AGO1: variants seen among roughly 807,000 people sequenced by gnomAD.
AGO1 encodes argonaute RISC component 1.
In AGO1, 11 loss-of-function variants were observed where a neutral mutation model predicts 109.2. The observed-to-expected ratio is 0.10, with a 90% CI of 0.06 to 0.17. The LOEUF (loss-of-function observed/expected upper bound fraction) is 0.17, where lower values mean the gene tolerates loss of function less well. AGO1 is among the 10% of genes least tolerant of loss of function. The pLI is 1.00. For synonymous variants in AGO1, 422 were observed against 418.6 expected (o/e 1.01, Z -0.10); for missense variants, 574 against 1,140.3 (o/e 0.50, Z 7.15).
Position 35,901,909 on chromosome 1 carries a change from G to A in AGO1, c.1141-39G>A. On this transcript the variant is annotated intron_variant, in intron 9 of 18. Transcript: ENST00000373204. The surrounding 1 kb of genome is among the most constrained non-coding windows in gnomAD (Gnocchi z 4.8). ...CCCAGAGGGTGAGCAGTATTGCCAA[G>A]CTCCTGTTCTCCTGAGATTGCTCTC... is the stretch of plus-strand genomic sequence containing the variant. 1 of 1,548,314 alleles carries A rather than the reference G, an allele frequency of 6.5e-7. No homozygotes were observed. The highest frequency in any genetic ancestry group is 8.7e-7 in the Non-Finnish European group (1 of 1,147,958).
At chr1:35,876,997 G>T (rs530160881) in intron 1 of AGO1, among the ~76,000 whole-genome samples, 43 of 152,294 alleles carry the variant, frequency 2.8e-4, no homozygotes, top group African/African-American at 9.9e-4. Context: ...TCTATTGCCT[G>T]TGCTCATCCA....
chr1:35,918,476 C>A, intron 17 of AGO1, 53 bp downstream of exon 17: 1 of 1,322,452 alleles, frequency 7.6e-7, no homozygotes, highest in Non-Finnish European at 1.1e-6. Flanking sequence ...GTTGTTCATT[C>A]ATATTGCCTC....
In AGO1 at chr1:35,916,067, T is replaced by G. The variant is rs60946370; in HGVS notation, c.2028+525T>G. Among the ~76,000 whole-genome samples, 552 of 152,304 alleles carry G rather than the reference T, an allele frequency of 3.6e-3. 6 individuals are homozygous for G. The highest frequency in any genetic ancestry group is 0.013 in the African/African-American group (533 of 41,566). The stretch of plus-strand genomic sequence containing the variant: ...AACTTCTATCCTGAACTGGTATCCT[T>G]GACTACCATTTAATAGTATTATAAC... On this transcript the variant is annotated intron_variant, in intron 15 of 18. Coordinates refer to ENST00000373204, the MANE Select transcript of AGO1 (RefSeq NM_012199.5).
rs189626609 is a variant in AGO1, at chr1:35,872,903, T to G, written c.-201+3000T>G. Among the ~76,000 whole-genome samples the G allele has an allele frequency of 6.3e-4, 96 of 151,898 alleles. No individual in the cohort carries two copies. In the East Asian group the frequency reaches 0.016, roughly 26 times the overall value. On this transcript the variant is annotated intron_variant, in intron 1 of 18. Coordinates refer to the AGO1 transcript ENST00000373206. ...GGTCTATTTCTGTTCTTTTCAGTTT[T>G]TTTGTTTGTTTGTTTGTTTGTTTGT...
intron 8 of AGO1, among the ~76,000 whole-genome samples, chr1:35,898,113 A>T (rs1645350405): frequency 6.6e-6 from 1 of 152,146 alleles, no homozygotes; most frequent in African/African-American, 2.4e-5. Flanking sequence ...TTTATCAGTT[A>T]ATGGACATTT....
intron 12 of AGO1, among the ~76,000 whole-genome samples, chr1:35,911,222 C>T (rs1041251865): frequency 1.3e-5 from 2 of 152,008 alleles, no homozygotes; most frequent in Admixed American, 1.3e-4. Flanking sequence ...CTAGATAGTT[C>T]ATATCCTTAT....
At chr1:35,899,479 C>G (rs1645377202) in intron 8 of AGO1, among the ~76,000 whole-genome samples, 1 of 152,150 alleles carries the variant, frequency 6.6e-6, no homozygotes. Context: ...ATTTTATATT[C>G]CCACTGGCGT....
intron 3 of AGO1, 127 bp from the exon 4 acceptor site, chr1:35,892,970 T>G (rs1408523630): frequency 1.4e-5 from 14 of 1,036,206 alleles, no homozygotes; most frequent in Non-Finnish European, 5.6e-6. Flanking sequence ...GGGGCTAGAC[T>G]TACTCTGGAT....
At chr1:35,875,085 A>G (rs1238435946) in intron 1 of AGO1, among the ~76,000 whole-genome samples, 2 of 152,252 alleles carry the variant, frequency 1.3e-5, no homozygotes, top group Non-Finnish European at 2.9e-5. Flanking sequence ...AGAAGATCTG[A>G]CTAAAATAAT....
At chr1:35,902,137 G>A in intron 10 of AGO1, 67 bp downstream of exon 10, 1 of 1,588,320 alleles carries the variant, frequency 6.3e-7, no homozygotes, top group South Asian at 1.1e-5. Flanking sequence ...ATAGCCAGGG[G>A]CTTTTGCTCC....
At chr1:35,887,390 CTT>C (rs1350624463) in intron 1 of AGO1, among the ~76,000 whole-genome samples, 1 of 151,998 alleles carries the variant, frequency 6.6e-6, no homozygotes, top group Non-Finnish European at 1.5e-5. Context: ...TTTTTTCTCT[CTT>C]CCCCCCAAGC....
At chr1:35,871,877 G>T (rs910371245) in intron 1 of AGO1, among the ~76,000 whole-genome samples, 1 of 151,656 alleles carries the variant, frequency 6.6e-6, no homozygotes, top group Non-Finnish European at 1.5e-5. Context: ...AGACTATCTT[G>T]GCTAACACAG....
intron 12 of AGO1, among the ~76,000 whole-genome samples, chr1:35,910,532 A>G (rs773474208): frequency 1.7e-4 from 26 of 151,970 alleles, no homozygotes; most frequent in Non-Finnish European, 8.8e-5. Context: ...AGTCACTACA[A>G]CCTCCTACCA....
chr1:35,876,275 T>TC, intron 1 of AGO1, among the ~76,000 whole-genome samples: 1 of 151,944 alleles, frequency 6.6e-6, no homozygotes, highest in East Asian at 1.9e-4. Context: ...TTTTTTGTTT[T>TC]TTTTTTTTTG....
Position 35,901,799 on chromosome 1 carries a change from C to T in AGO1, c.1141-149C>T, listed in dbSNP as rs1022082975. ...GTATTACTTTGCTGTGTTATTCCCTCACTTCCCTCATCTTCCACTTTCTCT... is the reference window on the plus strand; with the variant it reads ...GTATTACTTTGCTGTGTTATTCCCTTACTTCCCTCATCTTCCACTTTCTCT... On this transcript the variant is annotated intron_variant, in intron 9 of 18. Coordinates refer to ENST00000373204, the MANE Select transcript of AGO1 (RefSeq NM_012199.5). The surrounding 1 kb of genome is among the most constrained non-coding windows in gnomAD (Gnocchi z 4.8). The T allele has an allele frequency of 7.6e-7, 1 of 1,311,356 alleles. No homozygotes were observed. The highest frequency in any genetic ancestry group is 1.5e-5 in the African/African-American group (1 of 67,706). The allele number at this position is 1,311,356 out of a possible 1,614,324, so 81.2% of individuals were successfully genotyped here.
chr1:35,894,031 C>A lies in AGO1; in HGVS notation c.650-6C>A, dbSNP rs1339494288. 1 of 1,541,556 alleles carries A rather than the reference C, an allele frequency of 6.5e-7. No homozygotes were observed. The highest frequency in any genetic ancestry group is 2.3e-5 in the East Asian group (1 of 44,368). On this transcript the variant is annotated splice_polypyrimidine_tract_variant and splice_region_variant and intron_variant, in intron 5 of 18. Transcript: ENST00000373204. ...GAGCTGAGCTATCTTTACCCTGTCCCCACAGTCTCAGCCACTGCCTTTTAT... is the reference window on the plus strand; with the variant it reads ...GAGCTGAGCTATCTTTACCCTGTCCACACAGTCTCAGCCACTGCCTTTTAT...
Position 35,883,785 on chromosome 1 carries a change from AGAG to A in AGO1, c.25+344_25+346del, listed in dbSNP as rs2148706307. ...AGGGGACGGGCTCCAGGTGTCCAGG[AGAG>A]GAGGGGGCGACACAGATGGGCCTGG... On this transcript the variant is annotated intron_variant, in intron 1 of 18. Coordinates refer to ENST00000373204, the MANE Select transcript of AGO1 (RefSeq NM_012199.5). This position sits in a 1 kb window ranked among gnomAD's most constrained non-coding sequence, Gnocchi z 5.4. 6.6e-6 allele frequency among the ~76,000 whole-genome samples: 1 copy of A among 152,216 alleles called. No homozygotes were observed. The highest frequency in any genetic ancestry group is 6.5e-5 in the Admixed American group (1 of 15,302).
At position 35,901,809 on chromosome 1, in the gene AGO1, A is replaced by G; in HGVS notation, c.1141-139A>G. 2 of 1,352,704 alleles carry G rather than the reference A, an allele frequency of 1.5e-6. No homozygotes were observed. The highest frequency in any genetic ancestry group is 4.7e-5 in the Admixed American group (2 of 42,906). The allele number at this position is 1,352,704 out of a possible 1,614,324, so 83.8% of individuals were successfully genotyped here. On this transcript the variant is annotated intron_variant, in intron 9 of 18. Transcript: ENST00000373204. This position sits in a 1 kb window ranked among gnomAD's most constrained non-coding sequence, Gnocchi z 4.8. The stretch of plus-strand genomic sequence containing the variant: ...GCTGTGTTATTCCCTCACTTCCCTC[A>G]TCTTCCACTTTCTCTCTCTTTTTAG...
At chr1:35,874,813 G>T (rs1644980132) in intron 1 of AGO1, among the ~76,000 whole-genome samples, 2 of 152,124 alleles carry the variant, frequency 1.3e-5, no homozygotes, top group South Asian at 4.1e-4. Context: ...ATAGTAAGAA[G>T]CAAAATAACC....
Sources: allele counts gnomAD v4.1 joint callset (sites outside exome capture counted in the v4.1 genomes callset), GRCh38; gene constraint gnomAD v4.1.1; non-coding constraint Gnocchi (gnomAD v3.1); transcripts MANE v1.5; gene names NCBI Gene and HGNC (gene_info 2026-07-23, HGNC 2026-07-21).